ARB2A: variants seen among roughly 807,000 people sequenced by gnomAD.
ARB2A encodes the protein cotranscriptional regulator ARB2A.
the ARB2A span, among the ~76,000 whole-genome samples, chr5:93,815,324 G>A: frequency 2.5e-4 from 38 of 152,314 alleles, 1 homozygote; most frequent in African/African-American, 8.9e-4. Context: ...AGACCTAGAA[G>A]AGTATCACTT....
the ARB2A span, among the ~76,000 whole-genome samples, chr5:93,899,231 T>C: frequency 0.092 from 13,935 of 152,104 alleles, 805 homozygotes; most frequent in Middle Eastern, 0.16. Flanking sequence ...ATTAGAAACA[T>C]TTGGTATCCA....
the ARB2A span, among the ~76,000 whole-genome samples, chr5:93,701,928 T>C: frequency 6.6e-6 from 1 of 152,190 alleles, no homozygotes; most frequent in Non-Finnish European, 1.5e-5. Context: ...AGCTTACACA[T>C]CTTTAATCTA....
the ARB2A span, among the ~76,000 whole-genome samples, chr5:93,695,663 G>T: frequency 1.3e-5 from 2 of 152,134 alleles, no homozygotes; most frequent in African/African-American, 4.8e-5. Context: ...AATACCATTT[G>T]ACCCAGCAAT....
the ARB2A span, among the ~76,000 whole-genome samples, chr5:94,085,382 G>C: frequency 6.6e-6 from 1 of 152,218 alleles, no homozygotes; most frequent in Non-Finnish European, 1.5e-5. Context: ...ATTGCAGTCA[G>C]AATATTGGCA....
At chr5:93,789,805 T>C in the ARB2A span, among the ~76,000 whole-genome samples, 1 of 152,198 alleles carries the variant, frequency 6.6e-6, no homozygotes, top group African/African-American at 2.4e-5. Flanking sequence ...AGAATGCTAC[T>C]AAGAGAACAA....
At chr5:93,838,773 A>T in the ARB2A span, among the ~76,000 whole-genome samples, 2 of 152,028 alleles carry the variant, frequency 1.3e-5, no homozygotes, top group Non-Finnish European at 2.9e-5. Context: ...CTGGTTAGTC[A>T]TATTCTTAGA....
chr5:93,774,231 T>A, the ARB2A span, among the ~76,000 whole-genome samples: 4 of 152,216 alleles, frequency 2.6e-5, no homozygotes, highest in Non-Finnish European at 4.4e-5. Context: ...GCCTCCCTGT[T>A]CCTTGAAACA....
At chr5:94,071,038 G>C in the ARB2A span, among the ~76,000 whole-genome samples, 1 of 151,844 alleles carries the variant, frequency 6.6e-6, no homozygotes, top group Non-Finnish European at 1.5e-5. Context: ...CCTCCCCCTA[G>C]GTATCAACTC....
chr5:93,752,003 G>A, the ARB2A span, among the ~76,000 whole-genome samples: 5,434 of 152,228 alleles, frequency 0.036, 158 homozygotes, highest in East Asian at 0.13. Flanking sequence ...CTGGGGGGAT[G>A]TGATTCCATG....
the ARB2A span, among the ~76,000 whole-genome samples, chr5:93,926,906 C>T: frequency 1.3e-5 from 2 of 151,836 alleles, no homozygotes; most frequent in East Asian, 3.9e-4. Context: ...TCAAACTCAT[C>T]TCAAGAGAAC....
At chr5:94,009,933 T>A in the ARB2A span, among the ~76,000 whole-genome samples, 1 of 151,650 alleles carries the variant, frequency 6.6e-6, no homozygotes, top group Non-Finnish European at 1.5e-5. Context: ...TTTTTTTTTT[T>A]AACCCAATTA....
the ARB2A span, among the ~76,000 whole-genome samples, chr5:93,985,550 A>T: frequency 6.6e-6 from 1 of 152,028 alleles, no homozygotes; most frequent in Admixed American, 6.5e-5. Context: ...CAGCCTGCCG[A>T]GTGCCTGGGA....
chr5:93,668,976 C>T, the ARB2A span, among the ~76,000 whole-genome samples: 1 of 152,188 alleles, frequency 6.6e-6, no homozygotes, highest in African/African-American at 2.4e-5. Flanking sequence ...CTGATAATTA[C>T]AACAAAACCT....
the ARB2A span, among the ~76,000 whole-genome samples, chr5:93,743,885 C>A: frequency 3.1e-4 from 47 of 152,106 alleles, no homozygotes; most frequent in Admixed American, 1.3e-4. Flanking sequence ...CCAGGATGGT[C>A]TCGATCTCCT....
chr5:93,965,709 A>G, the ARB2A span, among the ~76,000 whole-genome samples: 1 of 152,102 alleles, frequency 6.6e-6, no homozygotes, highest in African/African-American at 2.4e-5. Context: ...GAATAATTTT[A>G]GCAGAAACAT....
the ARB2A span, among the ~76,000 whole-genome samples, chr5:94,033,456 GCT>G: frequency 2.6e-5 from 4 of 151,958 alleles, no homozygotes; most frequent in African/African-American, 7.3e-5. Flanking sequence ...ATGGAGTCTC[GCT>G]CTGTCACCAA....
chr5:93,856,315 C>G, the ARB2A span, among the ~76,000 whole-genome samples: 1 of 152,132 alleles, frequency 6.6e-6, no homozygotes, highest in Non-Finnish European at 1.5e-5. Context: ...TTTCCTGAAT[C>G]TGAATGTTGG....
the ARB2A span, among the ~76,000 whole-genome samples, chr5:94,083,723 A>G: frequency 6.6e-6 from 1 of 152,070 alleles, no homozygotes; most frequent in Admixed American, 6.5e-5. Flanking sequence ...AAAATAAATA[A>G]AAACACAGTA....
At chr5:93,686,329 T>C in the ARB2A span, among the ~76,000 whole-genome samples, 2 of 152,160 alleles carry the variant, frequency 1.3e-5, no homozygotes, top group African/African-American at 4.8e-5. Flanking sequence ...GAATAACCTA[T>C]CCAAGGGTCT....
Sources: gnomAD v4.1 joint callset for allele counts (sites outside exome capture counted in the v4.1 genomes callset) on GRCh38, gnomAD v4.1.1 for gene constraint, MANE v1.5 for transcripts, NCBI Gene and HGNC (gene_info 2026-07-23, HGNC 2026-07-21) for gene names.